Variants in TMEM185B observed in about 807,000 individuals in gnomAD.
TMEM185B encodes the protein transmembrane protein 185B.
Under a neutral mutation model 26.2 loss-of-function variants are expected in TMEM185B, and 9 were observed. The ratio of observed to expected loss-of-function variants is 0.34; its 90% CI spans 0.21 to 0.60. The LOEUF (loss-of-function observed/expected upper bound fraction) is 0.60. TMEM185B is among the 20% of genes least tolerant of loss of function. The pLI is 0.80. For synonymous variants in TMEM185B, 204 were observed against 191.8 expected, an observed-to-expected ratio of 1.06 and a Z score of -0.52; for missense variants, 392 against 447.9, an observed-to-expected ratio of 0.88 and a Z score of 1.13.
chr2:120,222,944 G>A lies in TMEM185B; in HGVS notation c.33C>T (p.Asn11=), dbSNP rs893577782. 16 of 1,444,350 alleles carry A rather than the reference G, an allele frequency of 1.1e-5. No homozygotes were observed. Among genetic ancestry groups the A allele is most frequent in the African/African-American group, 1.4e-5 (1 of 69,838 alleles). The allele number at this position is 1,444,350 out of a possible 1,614,324, so 89.5% of individuals were successfully genotyped here. A position where few individuals can be genotyped will look rare whatever the true frequency, so the allele number is the denominator to read the frequency against. Residue 11 remains asparagine, a synonymous_variant, in exon 1 of 1, where the codon AAC becomes AAT. Coordinates refer to ENST00000426077, the MANE Select transcript of TMEM185B (RefSeq NM_024121.3). Reference sequence around the variant, plus strand: ...AGGTGTAGATGAGAAACTTACTGGGGTTGAAGTCCTGGAACAGGCCCCTGG... The same window carrying A: ...AGGTGTAGATGAGAAACTTACTGGGATTGAAGTCCTGGAACAGGCCCCTGG... The part of the protein sequence containing the change: MNPRGLFQDF[N]PSKFLIYTCL...
In TMEM185B at chr2:120,223,191, G is replaced by C. The variant is rs571455151; in HGVS notation, c.-215C>G. On this transcript the variant is annotated 5_prime_UTR_variant, in exon 1 of 1. Coordinates refer to ENST00000426077, the MANE Select transcript of TMEM185B (RefSeq NM_024121.3). Reference sequence around the variant, plus strand: ...ACGTGGCCCGGCCGGAAGCGCGCTGGGGTGTGGCGCGCGCGGGCACGGGCG... The same window carrying C: ...ACGTGGCCCGGCCGGAAGCGCGCTGCGGTGTGGCGCGCGCGGGCACGGGCG... 1.4e-5 allele frequency: 5 copies of C among 356,582 alleles called. No homozygotes were observed. The East Asian group carries it at 2.2e-4, about 15-fold the overall frequency. The allele number at this position is 356,582 out of a possible 1,614,324, so 22.1% of individuals were successfully genotyped here. A position where few individuals can be genotyped will look rare whatever the true frequency, so the allele number is the denominator to read the frequency against.
chr2:120,217,817 G>C lies in TMEM185B; in HGVS notation c.*4107C>G, dbSNP rs529885995. Among the ~76,000 whole-genome samples the C allele has an allele frequency of 6.6e-6, 1 of 152,284 alleles. No homozygotes were observed. Among genetic ancestry groups the C allele is most frequent in the South Asian group, 2.1e-4 (1 of 4,828 alleles). ...ACTTTAACCCATACATTCTAGAACA[G>C]AGAGAGCCATGACCAAACCAGAGGG... On this transcript the variant is annotated 3_prime_UTR_variant, in exon 1 of 1. Coordinates refer to ENST00000426077, the MANE Select transcript of TMEM185B (RefSeq NM_024121.3).
In TMEM185B at chr2:120,220,937, C is replaced by G. The variant is rs1688576580; in HGVS notation, c.*987G>C. ...TTCCAATGACAAGTAATGCTTCACA[C>G]TACAGCCAACTAATAGTTTAAGATT... On this transcript the variant is annotated 3_prime_UTR_variant, in exon 1 of 1. Transcript: ENST00000426077. Among the ~76,000 whole-genome samples, 1 of 152,216 alleles carries G rather than the reference C, an allele frequency of 6.6e-6. No individual in the cohort carries two copies. Among genetic ancestry groups the G allele is most frequent in the Non-Finnish European group, 1.5e-5 (1 of 68,036 alleles).
In TMEM185B at chr2:120,222,871, T is replaced by A; in HGVS notation, c.106A>T (p.Ile36Phe). The A allele has an allele frequency of 6.8e-7, 1 of 1,477,188 alleles. No homozygotes were observed. Among genetic ancestry groups the A allele is most frequent in the Non-Finnish European group, 8.9e-7 (1 of 1,121,538 alleles). 91.5% of individuals were successfully genotyped at this position (1,477,188 alleles called of 1,614,324 possible). A position where few individuals can be genotyped will look rare whatever the true frequency, so the allele number is the denominator to read the frequency against. ...AAGACGGCCCAGTAGCTCCATTGGA[T>A]GATGCCGTCCAGGCGGAGGGGCAGC... is the stretch of plus-strand genomic sequence containing the variant. The part of the protein sequence containing the change: ...VLLPLRLDGI[I>F]QWSYWAVFAP... The change falls in exon 1 of 1, where the codon ATC becomes TTC. Residue 36 changes from isoleucine to phenylalanine, a missense_variant. Ile to Phe is a conservative substitution (Grantham distance 21). Around this residue, in one of 3 missense-constraint regions of TMEM185B, gnomAD observed 175 missense variants for 169.1 expected, o/e 1.03. Transcript: ENST00000426077.
Position 120,222,188 on chromosome 2 carries a change from C to A in TMEM185B, c.789G>T (p.Arg263Ser). The change falls in exon 1 of 1, where the codon AGG (arginine) becomes AGT (serine). Residue 263 changes from arginine (R) to serine (S), a missense_variant. Arg to Ser is a moderately radical substitution (Grantham distance 110). This residue lies in a region of TMEM185B where 176 missense variants were observed against 201.6 expected (regional missense o/e 0.87). Coordinates refer to ENST00000426077, the MANE Select transcript of TMEM185B (RefSeq NM_024121.3). The part of the protein sequence containing the change: ...SLLTLMATTF[R>S]RKGGNHWWFG... ...ACCACCAATGATTGCCCCCCTTTCGCCTAAATGTTGTGGCCATTAAAGTTA... is the reference window on the plus strand; with the variant it reads ...ACCACCAATGATTGCCCCCCTTTCGACTAAATGTTGTGGCCATTAAAGTTA... The A allele has an allele frequency of 6.5e-7, 1 of 1,545,200 alleles. No individual in the cohort carries two copies.
Position 120,222,431 on chromosome 2 carries a change from A to C in TMEM185B, c.546T>G (p.Leu182=). The change falls in exon 1 of 1, where the codon CTT becomes CTG. Residue 182 remains leucine (L), a synonymous_variant. Transcript: ENST00000426077. ...CGATGTAATAGAGGACGACCAGGCA[A>C]AGGAACGACATGAGGATCCACAGGG... ...FVPLWILMSF[L]CLVVLYYIVW... 1 of 1,536,174 alleles carries C rather than the reference A, an allele frequency of 6.5e-7. No homozygotes were observed.
Position 120,220,353 on chromosome 2 carries a change from G to A in TMEM185B, c.*1571C>T, listed in dbSNP as rs777179549. ...CTCCTTTTTGTTTCGACCTCCTTTC[G>A]AAAGTATTTATTTGTTCTCAAACAT... On this transcript the variant is annotated 3_prime_UTR_variant, in exon 1 of 1. Transcript: ENST00000426077. Among the ~76,000 whole-genome samples the A allele has an allele frequency of 6.6e-5, 10 of 152,156 alleles. No homozygotes were observed. Among genetic ancestry groups the A allele is most frequent in the Admixed American group, 1.3e-4 (2 of 15,282 alleles).
rs185020190 is a variant in TMEM185B at position 120,217,930 on chromosome 2, A to C, written c.*3994T>G. Reference sequence around the variant, plus strand: ...CTTGGCATTGCCTCTCTTTTCTCCTAGGGAAGGGATAAACCACTGTCTTTT... The same window carrying C: ...CTTGGCATTGCCTCTCTTTTCTCCTCGGGAAGGGATAAACCACTGTCTTTT... On this transcript the variant is annotated 3_prime_UTR_variant, in exon 1 of 1. Transcript: ENST00000426077. Among the ~76,000 whole-genome samples, 1 of 152,264 alleles carries C rather than the reference A, an allele frequency of 6.6e-6. No homozygotes were observed. Among genetic ancestry groups the C allele is most frequent in the African/African-American group, 2.4e-5 (1 of 41,542 alleles).
Position 120,220,468 on chromosome 2 carries a change from C to T in TMEM185B, c.*1456G>A, listed in dbSNP as rs1278290322. 6.6e-6 allele frequency among the ~76,000 whole-genome samples: 1 copy of T among 152,250 alleles called. No individual in the cohort carries two copies. Among genetic ancestry groups the T allele is most frequent in the Non-Finnish European group, 1.5e-5 (1 of 68,038 alleles). On this transcript the variant is annotated 3_prime_UTR_variant, in exon 1 of 1. Coordinates refer to ENST00000426077, the MANE Select transcript of TMEM185B (RefSeq NM_024121.3). ...TGTACCTGCCGGGTGCAGTGGTTCC[C>T]GCCTGTAATCCCAGCACTTTGGGAG...
rs1039377535 is a variant in TMEM185B at position 120,223,002 on chromosome 2, G to A, written c.-26C>T. 3.6e-6 allele frequency: 5 copies of A among 1,372,474 alleles called. No homozygotes were observed. The highest frequency in any genetic ancestry group is 6.9e-5 in the Admixed American group (2 of 28,938). 85.0% of individuals were successfully genotyped at this position (1,372,474 alleles called of 1,614,324 possible). A position where few individuals can be genotyped will look rare whatever the true frequency, so the allele number is the denominator to read the frequency against. On this transcript the variant is annotated 5_prime_UTR_variant, in exon 1 of 1. Transcript: ENST00000426077. Reference sequence around the variant, plus strand: ...GGCGGAGGCCGCCGCTTGCCTGCCCGGGCCTGCTCCCTCGCGACGCTCGGC... The same window carrying A: ...GGCGGAGGCCGCCGCTTGCCTGCCCAGGCCTGCTCCCTCGCGACGCTCGGC...
chr2:120,223,372 G>C lies in TMEM185B; in HGVS notation c.-396C>G, dbSNP rs1688630399. The stretch of plus-strand genomic sequence containing the variant: ...CCGCGACCTTGGGCGGACGCTTCCA[G>C]GCGACTCCGGGAACATGGAGGCGGG... On this transcript the variant is annotated 5_prime_UTR_variant, in exon 1 of 1. Coordinates refer to ENST00000426077, the MANE Select transcript of TMEM185B (RefSeq NM_024121.3). 1 of 159,828 alleles carries C rather than the reference G, an allele frequency of 6.3e-6. No homozygotes were observed. Among genetic ancestry groups the C allele is most frequent in the Admixed American group, 6.5e-5 (1 of 15,438 alleles). 9.9% of individuals were successfully genotyped at this position (159,828 alleles called of 1,614,324 possible). A position where few individuals can be genotyped will look rare whatever the true frequency, so the allele number is the denominator to read the frequency against.
At position 120,222,375 on chromosome 2, in the gene TMEM185B, T is replaced by C; in HGVS notation, c.602A>G (p.Asp201Gly). Residue 201 changes from aspartate to glycine, a missense_variant, in exon 1 of 1, where the codon GAT becomes GGT. Asp to Gly is a moderately conservative substitution (Grantham distance 94). Around this residue, in one of 3 missense-constraint regions of TMEM185B, gnomAD observed 176 missense variants for 201.6 expected, o/e 0.87. Transcript: ENST00000426077. Reference protein sequence around the residue: ...VWSLLFLRSLDVVAEQRRTHV... With the variant: ...VWSLLFLRSLGVVAEQRRTHV... ...TGTTCTCCGCTGCTCGGCAACCACATCCAGGGACCGCAGGAACAGGAGGGA... is the reference window on the plus strand; with the variant it reads ...TGTTCTCCGCTGCTCGGCAACCACACCCAGGGACCGCAGGAACAGGAGGGA... 6.5e-7 allele frequency: 1 copy of C among 1,535,996 alleles called. No homozygotes were observed. Among genetic ancestry groups the C allele is most frequent in the Non-Finnish European group, 8.7e-7 (1 of 1,146,882 alleles).
In TMEM185B at chr2:120,222,493, T is replaced by C. The variant is rs1688605574; in HGVS notation, c.484A>G (p.Arg162Gly). ...QFIFIALKLD[R>G]IIHWPWLVVF... Reference sequence around the variant, plus strand: ...ACCAGCCACGGCCAGTGAATAATCCTGTCCAGCTTTAGGGCGATGAAGATG... The same window carrying C: ...ACCAGCCACGGCCAGTGAATAATCCCGTCCAGCTTTAGGGCGATGAAGATG... The change falls in exon 1 of 1, where the codon AGG becomes GGG. Residue 162 changes from arginine (R) to glycine (G), a missense_variant. Coordinates refer to ENST00000426077, the MANE Select transcript of TMEM185B (RefSeq NM_024121.3). 1 of 1,536,118 alleles carries C rather than the reference T, an allele frequency of 6.5e-7. No individual in the cohort carries two copies. Among genetic ancestry groups the C allele is most frequent in the African/African-American group, 1.4e-5 (1 of 73,044 alleles).
chr2:120,222,667 T>C lies in TMEM185B; in HGVS notation c.310A>G (p.Arg104Gly). ...LLMFEVLVCD[R>G]VERGTHFWLL... ...CAGAAGTGGGTGCCCCTCTCCACCC[T>C]GTCGCAGACCAGGACTTCGAACATG... Residue 104 changes from arginine (R) to glycine (G), a missense_variant, in exon 1 of 1, where the codon AGG becomes GGG. Physicochemically the swap from Arg to Gly is moderately radical, Grantham distance 125. Coordinates refer to ENST00000426077, the MANE Select transcript of TMEM185B (RefSeq NM_024121.3). 1 of 1,536,526 alleles carries C rather than the reference T, an allele frequency of 6.5e-7. No homozygotes were observed. Among genetic ancestry groups the C allele is most frequent in the Non-Finnish European group, 8.7e-7 (1 of 1,147,012 alleles).
rs933206856 is a variant in TMEM185B at position 120,219,068 on chromosome 2, G to A, written c.*2856C>T. Among the ~76,000 whole-genome samples, 4 of 152,290 alleles carry A rather than the reference G, an allele frequency of 2.6e-5. No individual in the cohort carries two copies. The East Asian group carries it at 7.7e-4, about 29-fold the overall frequency. On this transcript the variant is annotated 3_prime_UTR_variant, in exon 1 of 1. Transcript: ENST00000426077. ...CAAGGTAAGCTGCTGCTTCAACCAG[G>A]GACCCAGAATACGGGACATGTTGTG...
rs58697890 is a variant in TMEM185B, at chr2:120,217,726, AG to A, written c.*4197del. 3.8e-3 allele frequency among the ~76,000 whole-genome samples: 583 copies of A among 152,296 alleles called. 3 individuals carry two copies. The highest frequency in any genetic ancestry group is 0.013 in the African/African-American group (559 of 41,570). ...GAAGAAAACCACGTGGGGTTGGGAA[AG>A]GAAGGACCTTGAGGACCCTCAGGGG... is the stretch of plus-strand genomic sequence containing the variant. On this transcript the variant is annotated 3_prime_UTR_variant, in exon 1 of 1. Coordinates refer to ENST00000426077, the MANE Select transcript of TMEM185B (RefSeq NM_024121.3).
chr2:120,221,129 A>G lies in TMEM185B; in HGVS notation c.*795T>C, dbSNP rs1688579083. ...TCTTCCTCTACTAACGGGTACTACC[A>G]GAGACCTTGGTTACTAACACCTAAA... On this transcript the variant is annotated 3_prime_UTR_variant, in exon 1 of 1. Transcript: ENST00000426077. 6.6e-6 allele frequency: 1 copy of G among 152,238 alleles called. No homozygotes were observed. The allele number at this position is 152,238 out of a possible 1,614,324, so 9.4% of individuals were successfully genotyped here. A position where few individuals can be genotyped will look rare whatever the true frequency, so the allele number is the denominator to read the frequency against.
rs541218014 is a variant in TMEM185B, at chr2:120,222,902, C to G, written c.75G>C (p.Ser25=). 188 of 1,455,830 alleles carry G rather than the reference C, an allele frequency of 1.3e-4. 2 individuals are homozygous for G. Among genetic ancestry groups the G allele is most frequent in the South Asian group, 1.3e-3 (90 of 69,934 alleles). 90.2% of individuals were successfully genotyped at this position (1,455,830 alleles called of 1,614,324 possible). A position where few individuals can be genotyped will look rare whatever the true frequency, so the allele number is the denominator to read the frequency against. ...FLIYTCLLLF[S]VLLPLRLDGI... ...CGTCCAGGCGGAGGGGCAGCAGCAC[C>G]GAGAAGAGCAGCAGGCAGGTGTAGA... The change falls in exon 1 of 1, where the codon TCG becomes TCC. Residue 25 remains serine (S), a synonymous_variant. Transcript: ENST00000426077.
At position 120,222,614 on chromosome 2, in the gene TMEM185B, G is replaced by A; in HGVS notation, c.363C>T (p.Phe121=). ...AGGCAGCCACGGACACGGGGGACAC[G>A]AAGAAGAGAGGCATGAAGACCAGCA... The part of the protein sequence containing the change: ...FWLLVFMPLF[F]VSPVSVAACV... Residue 121 remains phenylalanine (F), a synonymous_variant, in exon 1 of 1, where the codon TTC becomes TTT. Coordinates refer to ENST00000426077, the MANE Select transcript of TMEM185B (RefSeq NM_024121.3). 1 of 1,536,468 alleles carries A rather than the reference G, an allele frequency of 6.5e-7. No individual in the cohort carries two copies. Among genetic ancestry groups the A allele is most frequent in the Non-Finnish European group, 8.7e-7 (1 of 1,147,028 alleles).
Sources: allele counts gnomAD v4.1 joint callset (sites outside exome capture counted in the v4.1 genomes callset), GRCh38; gene constraint gnomAD v4.1.1; regional missense constraint gnomAD v4.1.1; transcripts MANE v1.5; gene names NCBI Gene and HGNC (gene_info 2026-07-23, HGNC 2026-07-21).